ADAMTS17: variants seen among roughly 807,000 people sequenced by gnomAD.
ADAMTS17 encodes A disintegrin and metalloproteinase with thrombospondin motifs 17.
Under a neutral mutation model 141.5 loss-of-function variants are expected in ADAMTS17, and 113 were observed. That is an observed-to-expected ratio of 0.80 (90% confidence interval 0.69 to 0.93). ADAMTS17 has a LOEUF of 0.93. Ranked by LOEUF, ADAMTS17 falls within the 40% of genes least tolerant of loss-of-function variation. The pLI is 0.00. For missense variants in ADAMTS17, 1,659 were observed against 1,517.9 expected (o/e 1.09, Z -1.54); for synonymous variants, 768 against 630.6 (o/e 1.22, Z -3.27).
intron 3 of ADAMTS17, among the ~76,000 whole-genome samples, chr15:100,310,914 T>C (rs945164058): frequency 4.6e-5 from 7 of 152,190 alleles, no homozygotes; most frequent in Non-Finnish European, 8.8e-5. Context: ...AAATTGCCTG[T>C]TGCTTTGGAA....
chr15:100,203,090 C>T (rs1266414381), intron 7 of ADAMTS17, among the ~76,000 whole-genome samples: 4 of 152,214 alleles, frequency 2.6e-5, no homozygotes, highest in Non-Finnish European at 4.4e-5. Flanking sequence ...CTTGACTGCT[C>T]TGAACACTCG....
intron 3 of ADAMTS17, among the ~76,000 whole-genome samples, chr15:100,305,359 C>T (rs1567514664): frequency 6.6e-6 from 1 of 152,194 alleles, no homozygotes; most frequent in East Asian, 1.9e-4. Flanking sequence ...CAAACTGTTT[C>T]TGGTCCCTGA....
At chr15:100,057,675 G>A (rs756444372) in intron 15 of ADAMTS17, among the ~76,000 whole-genome samples, 5 of 152,174 alleles carry the variant, frequency 3.3e-5, no homozygotes, top group Non-Finnish European at 5.9e-5. Context: ...GAACCCCACA[G>A]TTCCAGGCAC....
chr15:100,254,585 C>T (rs899168478), intron 6 of ADAMTS17, among the ~76,000 whole-genome samples: 1 of 152,176 alleles, frequency 6.6e-6, no homozygotes, highest in African/African-American at 2.4e-5. Context: ...GTTTTTGATG[C>T]TGTAATGACC....
intron 7 of ADAMTS17, among the ~76,000 whole-genome samples, chr15:100,230,188 G>T (rs186852217): frequency 2.0e-5 from 3 of 152,330 alleles, no homozygotes; most frequent in Non-Finnish European, 2.9e-5. Context: ...GTTTGGGCTT[G>T]CAGAAGAGCA....
intron 15 of ADAMTS17, among the ~76,000 whole-genome samples, chr15:100,081,652 G>A (rs115812718): frequency 0.012 from 1,764 of 152,258 alleles, 39 homozygotes; most frequent in African/African-American, 0.041. Flanking sequence ...GTGCTGCTTA[G>A]TTGACCTTGG....
rs1567447237 is a variant in ADAMTS17 at position 100,261,459 on chromosome 15, C to G, written c.1031+20G>C. 2 of 1,613,644 alleles carry G rather than the reference C, an allele frequency of 1.2e-6. No individual in the cohort carries two copies. Among genetic ancestry groups the G allele is most frequent in the African/African-American group, 2.7e-5 (2 of 74,922 alleles). ...TCTTTTCCCTCTCACATGTCAGCTA[C>G]AGGCCAAATCCCATCTTACCTGGTC... is the stretch of plus-strand genomic sequence containing the variant. On this transcript the variant is annotated intron_variant, in intron 6 of 21. Coordinates refer to ENST00000268070, the MANE Select transcript of ADAMTS17 (RefSeq NM_139057.4).
At chr15:100,268,134 C>CT (rs34278280) in intron 4 of ADAMTS17, among the ~76,000 whole-genome samples, 97,577 of 152,032 alleles carry the variant, frequency 0.64, 31,829 homozygotes, top group East Asian at 0.91. Context: ...GTGAGTTGTT[C>CT]TTTTTTACAG....
At chr15:100,325,669 C>T (rs1052138278) in intron 3 of ADAMTS17, among the ~76,000 whole-genome samples, 1 of 152,246 alleles carries the variant, frequency 6.6e-6, no homozygotes, top group South Asian at 2.1e-4. Flanking sequence ...CGCTCTCTCT[C>T]GTTCCCTTCT....
rs554429381 is a variant in ADAMTS17 at position 100,043,238 on chromosome 15, T to A, written c.2591+5619A>T. On this transcript the variant is annotated intron_variant, in intron 18 of 21. Transcript: ENST00000268070. ...TGCTGTCTACAGTCTCTAAGGCAGA[T>A]CTTAGGTGCTATTTTCTCCTGTTTT... is the stretch of plus-strand genomic sequence containing the variant. Among the ~76,000 whole-genome samples, 4 of 152,314 alleles carry A rather than the reference T, an allele frequency of 2.6e-5. No homozygotes were observed. In the South Asian group the frequency reaches 8.3e-4, roughly 32 times the overall value.
At chr15:100,146,879 G>A (rs1433264576) in intron 10 of ADAMTS17, among the ~76,000 whole-genome samples, 3 of 152,142 alleles carry the variant, frequency 2.0e-5, no homozygotes, top group Non-Finnish European at 4.4e-5. Context: ...TTATTAGGAA[G>A]AGGAAATTCC....
At chr15:100,338,085 A>T (rs80192356) in intron 2 of ADAMTS17, among the ~76,000 whole-genome samples, 12,217 of 152,330 alleles carry the variant, frequency 0.08, 784 homozygotes, top group Admixed American at 0.22. Flanking sequence ...AGAAGCATAA[A>T]CAGAAAACAA....
chr15:100,213,825 T>C (rs1426865429), intron 7 of ADAMTS17, among the ~76,000 whole-genome samples: 1 of 152,188 alleles, frequency 6.6e-6, no homozygotes, highest in Non-Finnish European at 1.5e-5. Context: ...GCACACGCAC[T>C]ACCAGTAGAG....
chr15:100,156,683 A>T (rs2039452017), intron 8 of ADAMTS17, among the ~76,000 whole-genome samples: 2 of 152,186 alleles, frequency 1.3e-5, no homozygotes, highest in South Asian at 4.1e-4. Context: ...TCTCATGAAA[A>T]CAGATTTAGC....
intron 18 of ADAMTS17, among the ~76,000 whole-genome samples, chr15:100,007,489 C>T (rs374908340): frequency 9.2e-5 from 14 of 151,814 alleles, no homozygotes; most frequent in African/African-American, 2.2e-4. Flanking sequence ...GGCACGATCT[C>T]GACTCACTGC....
intron 8 of ADAMTS17, among the ~76,000 whole-genome samples, chr15:100,195,608 G>T: frequency 7.9e-6 from 1 of 127,322 alleles, no homozygotes; most frequent in South Asian, 2.5e-4. Flanking sequence ...CCCATTGTTT[G>T]GTCTCAAAAA....
In ADAMTS17 at chr15:100,161,032, A is replaced by T. The variant is rs77451028; in HGVS notation, c.1182-5712T>A. Among the ~76,000 whole-genome samples the T allele has an allele frequency of 8.1e-3, 1,236 of 152,302 alleles. 23 individuals carry two copies. Among genetic ancestry groups the T allele is most frequent in the African/African-American group, 0.028 (1,169 of 41,568 alleles). On this transcript the variant is annotated intron_variant, in intron 8 of 21. Transcript: ENST00000268070. ...CGTGTGGCATTAAGTATGCCCAGTA[A>T]TTTTAACTTTCAGTGACTGTGGGGC...
At chr15:100,137,591 G>A (rs991593119) in intron 10 of ADAMTS17, among the ~76,000 whole-genome samples, 1 of 152,120 alleles carries the variant, frequency 6.6e-6, no homozygotes, top group Non-Finnish European at 1.5e-5. Context: ...TGGCAGACAG[G>A]GCTGCTCTTC....
intron 15 of ADAMTS17, among the ~76,000 whole-genome samples, chr15:100,062,873 G>C (rs7170925): frequency 0.15 from 22,063 of 152,126 alleles, 2,296 homozygotes; most frequent in East Asian, 0.52. Flanking sequence ...CTGGCAGAAG[G>C]GCAGGGGCCA....
Sources: gnomAD v4.1 joint callset for allele counts (sites outside exome capture counted in the v4.1 genomes callset) on GRCh38, gnomAD v4.1.1 for gene constraint, MANE v1.5 for transcripts, NCBI Gene and HGNC (gene_info 2026-07-23, HGNC 2026-07-21) for gene names.